CORO7: variants seen among roughly 807,000 people sequenced by gnomAD.
The protein encoded by CORO7 is coronin 7.
A neutral mutation model predicts 126.6 loss-of-function variants in CORO7; 107 were observed. That is an observed-to-expected ratio of 0.85 (90% CI 0.72 to 0.99). The LOEUF is 0.99. CORO7 is among the 50% of genes least tolerant of loss of function. The pLI is 0.00. For missense variants in CORO7, 1,314 were observed against 1,255.8 expected (o/e 1.05, Z -0.70); for synonymous variants, 603 against 536.8 (o/e 1.12, Z -1.70).
In CORO7 at chr16:4,416,542, C is replaced by T. The variant is rs777924581; in HGVS notation, c.-24G>A. ...ATGGCGACGGGCACGGCGGCGGACG[C>T]GTCTTCGAGGACCCCGGGCGTCGGG... On this transcript the variant is annotated 5_prime_UTR_variant, in exon 1 of 28. Coordinates refer to ENST00000251166, the MANE Select transcript of CORO7 (RefSeq NM_024535.5). 6.4e-7 allele frequency: 1 copy of T among 1,570,542 alleles called. No individual in the cohort carries two copies. The highest frequency in any genetic ancestry group is 8.6e-7 in the Non-Finnish European group (1 of 1,162,078).
rs746084994 is a variant in CORO7 at position 4,362,008 on chromosome 16, C to T, written c.1555G>A (p.Gly519Arg). 1.3e-5 allele frequency: 21 copies of T among 1,610,480 alleles called. No individual in the cohort carries two copies. The highest frequency in any genetic ancestry group is 3.4e-5 in the Admixed American group (2 of 59,650). Residue 519 changes from glycine to arginine, a missense_variant, in exon 16 of 28, where the codon GGG (glycine) becomes AGG (arginine). Gly to Arg is a moderately radical substitution (Grantham distance 125, BLOSUM62 -2). Coordinates refer to ENST00000251166, the MANE Select transcript of CORO7 (RefSeq NM_024535.5). The surrounding 1 kb of genome is among the most constrained non-coding windows in gnomAD (Gnocchi z 5.3). ...ACCTCAAGCACAGCCACCTGTCCCC[C>T]GCTGCTGAGCAGCGGCACGGCCACA... ...LRVAVPLLSS[G>R]GQVAVLELRK...
chr16:4,368,454 A>C (rs916892975), intron 9 of CORO7, among the ~76,000 whole-genome samples: 4 of 151,956 alleles, frequency 2.6e-5, no homozygotes, highest in African/African-American at 9.7e-5. Flanking sequence ...TTGAGGCTGC[A>C]GTGAGTCAAG....
chr16:4,358,574 A>G, intron 23 of CORO7, 91 bp from the exon 24 acceptor site: 1 of 1,249,344 alleles, frequency 8.0e-7, no homozygotes, highest in Non-Finnish European at 1.1e-6. Context: ...CCCCTCACTT[A>G]GGACCACCAT....
At chr16:4,379,880 T>A (rs1214166800) in intron 9 of CORO7, among the ~76,000 whole-genome samples, 34 of 109,162 alleles carry the variant, frequency 3.1e-4, no homozygotes, top group East Asian at 5.4e-4. Context: ...CTGTCTCTAC[T>A]AAAAAAAAAA....
At position 4,362,719 on chromosome 16, in the gene CORO7, G is replaced by T; in HGVS notation, c.1295C>A (p.Pro432His). ...ADASEGFSSPPSSLTSPSTPS... is the reference protein window; with the variant it reads ...ADASEGFSSPHSSLTSPSTPS... ...CGTGGAGGGCGAGGTCAGCGAACTG[G>T]GAGGGGAAGAGAAACCCTCCTGGGG... The change falls in exon 15 of 28, where the codon CCC (proline) becomes CAC (histidine). Residue 432 changes from proline to histidine, a missense_variant. Coordinates refer to ENST00000251166, the MANE Select transcript of CORO7 (RefSeq NM_024535.5). The surrounding 1 kb of genome is among the most constrained non-coding windows in gnomAD (Gnocchi z 5.3). The T allele has an allele frequency of 6.9e-7, 1 of 1,440,332 alleles. No individual in the cohort carries two copies. Among genetic ancestry groups the T allele is most frequent in the East Asian group, 2.7e-5 (1 of 36,970 alleles). The allele number at this position is 1,440,332 out of a possible 1,614,324, so 89.2% of individuals were successfully genotyped here.
In CORO7 at chr16:4,359,486, G is replaced by T; in HGVS notation, c.2244C>A (p.Thr748=). The change falls in exon 22 of 28, where the codon ACC becomes ACA. Residue 748 remains threonine, a synonymous_variant. Transcript: ENST00000251166. ...YDPDTGLVLL[T]GKGDTRVFLY... ...GCCCTCCAGCCCAGCCCACCTTGCC[G>T]GTCAGGAGCACCAGGCCAGTGTCTG... 2 of 1,613,514 alleles carry T rather than the reference G, an allele frequency of 1.2e-6. No individual in the cohort carries two copies. The highest frequency in any genetic ancestry group is 1.7e-6 in the Non-Finnish European group (2 of 1,179,976).
At chr16:4,365,094 A>C (rs778180477) in intron 10 of CORO7, 34 bp from the exon 11 acceptor site, 3 of 1,572,484 alleles carry the variant, frequency 1.9e-6, no homozygotes, top group Non-Finnish European at 2.6e-6. Flanking sequence ...CCGTTTGCTG[A>C]CTGAACCCCT....
chr16:4,404,730 C>G (rs1406193479), intron 6 of CORO7, among the ~76,000 whole-genome samples: 2 of 152,158 alleles, frequency 1.3e-5, no homozygotes, highest in Non-Finnish European at 2.9e-5. Context: ...TTCTCCAACA[C>G]TTGGCTTCCT....
intron 1 of CORO7, among the ~76,000 whole-genome samples, chr16:4,416,236 G>A (rs1017782279): frequency 1.3e-5 from 2 of 152,174 alleles, no homozygotes; most frequent in Non-Finnish European, 2.9e-5. Flanking sequence ...GACCGCCAGG[G>A]TCACCGAGCG....
intron 6 of CORO7, among the ~76,000 whole-genome samples, chr16:4,399,312 C>G (rs1567294075): frequency 6.6e-6 from 1 of 152,212 alleles, no homozygotes; most frequent in East Asian, 1.9e-4. Flanking sequence ...CAAGGAAATC[C>G]TACTGCACGC....
intron 7 of CORO7, among the ~76,000 whole-genome samples, chr16:4,391,070 G>A (rs1254543964): frequency 1.3e-5 from 2 of 152,150 alleles, no homozygotes; most frequent in Admixed American, 6.5e-5. Context: ...TGAGGGAGGG[G>A]GTCAGTGGCC....
At chr16:4,391,875 T>C (rs894899475) in intron 7 of CORO7, among the ~76,000 whole-genome samples, 1 of 152,168 alleles carries the variant, frequency 6.6e-6, no homozygotes, top group Non-Finnish European at 1.5e-5. Context: ...GCTCTGAGAA[T>C]AGGAGGGGCT....
intron 23 of CORO7, 139 bp from the exon 24 acceptor site, chr16:4,358,622 T>C: frequency 1.5e-6 from 1 of 686,340 alleles, no homozygotes; most frequent in Non-Finnish European, 2.3e-6. Context: ...GTGTTGATCA[T>C]GTTGAACAAC....
Position 4,355,305 on chromosome 16 carries a change from CCTT to C in CORO7, c.2750_2752del (p.Glu917del), listed in dbSNP as rs765902994. 19 of 1,613,472 alleles carry C rather than the reference CCTT, an allele frequency of 1.2e-5. No homozygotes were observed. Among genetic ancestry groups the C allele is most frequent in the Non-Finnish European group, 1.6e-5 (19 of 1,179,962 alleles). On this transcript the variant is annotated inframe_deletion, in exon 27 of 28. Coordinates refer to ENST00000251166, the MANE Select transcript of CORO7 (RefSeq NM_024535.5). Reference sequence around the variant, plus strand: ...ACTCACCCACTCGTCCTCGTCCACGCCTTCAAAGGAGTCCTGGGGGAGTGGGTC... The same window carrying C: ...ACTCACCCACTCGTCCTCGTCCACGCCAAAGGAGTCCTGGGGGAGTGGGTC...
intron 1 of CORO7, chr16:4,415,737 G>T: frequency 1.0e-6 from 1 of 985,554 alleles, no homozygotes; most frequent in Non-Finnish European, 1.2e-6. Context: ...AAGCGGAAGA[G>T]CAGAGCTGAC....
At chr16:4,395,844 C>T (rs1217042221) in intron 6 of CORO7, among the ~76,000 whole-genome samples, 4 of 152,204 alleles carry the variant, frequency 2.6e-5, no homozygotes, top group African/African-American at 9.6e-5. Flanking sequence ...CGAGCTTACA[C>T]TTCCGAACCA....
chr16:4,391,279 G>A (rs1276580253), intron 7 of CORO7, among the ~76,000 whole-genome samples: 4 of 152,058 alleles, frequency 2.6e-5, no homozygotes, highest in African/African-American at 7.2e-5. Context: ...ACACTAGGCC[G>A]GCACAGTGGC....
At position 4,406,934 on chromosome 16, in the gene CORO7, C is replaced by T. The variant is rs564608378; in HGVS notation, c.487+567G>A. Among the ~76,000 whole-genome samples, 10 of 152,078 alleles carry T rather than the reference C, an allele frequency of 6.6e-5. No homozygotes were observed. The South Asian group carries it at 1.5e-3, about 22-fold the overall frequency. ...GATTACAGGCGTGAGCCACCGCGCCCGGCCAAAGTTATTTTTTATTTTTAT... is the reference window on the plus strand; with the variant it reads ...GATTACAGGCGTGAGCCACCGCGCCTGGCCAAAGTTATTTTTTATTTTTAT... On this transcript the variant is annotated intron_variant, in intron 5 of 27. Transcript: ENST00000251166.
At position 4,358,064 on chromosome 16, in the gene CORO7, C is replaced by T. The variant is rs1373594642; in HGVS notation, c.2497G>A (p.Val833Met). ...GCACTGAGCACAGGCTCCCAGATCA[C>T]AGCCGTGTCTGGGAACACGTCATCC... ...FQDDVFPDTA[V>M]IWEPVLSAEA... The change falls in exon 25 of 28, where the codon GTG becomes ATG. Residue 833 changes from valine (V) to methionine (M), a missense_variant. Transcript: ENST00000251166. 3 of 1,613,190 alleles carry T rather than the reference C, an allele frequency of 1.9e-6. No homozygotes were observed. The highest frequency in any genetic ancestry group is 1.7e-5 in the Admixed American group (1 of 60,026).
Sources: allele counts gnomAD v4.1 joint callset (sites outside exome capture counted in the v4.1 genomes callset), GRCh38; gene constraint gnomAD v4.1.1; non-coding constraint Gnocchi (gnomAD v3.1); transcripts MANE v1.5; gene names NCBI Gene and HGNC (gene_info 2026-07-23, HGNC 2026-07-21).